MAN1A2: variants seen among roughly 807,000 people sequenced by gnomAD.
MAN1A2 encodes mannosyl-oligosaccharide 1,2-alpha-mannosidase IB.
In MAN1A2, 26 loss-of-function variants were observed where a neutral mutation model predicts 75.7. The observed-to-expected ratio is 0.34, with a 90% CI of 0.25 to 0.48. The LOEUF is 0.48. Among genes scored for constraint, MAN1A2 ranks in the 20% least tolerant of loss-of-function variants. MAN1A2 has a pLI of 0.99. For synonymous variants in MAN1A2, 247 were observed against 264.6 expected (o/e 0.93, Z 0.65); for missense variants, 562 against 775.5 (o/e 0.72, Z 3.27).
intron 1 of MAN1A2, among the ~76,000 whole-genome samples, chr1:117,392,550 T>C (rs759610443): frequency 1.3e-5 from 2 of 152,206 alleles, no homozygotes; most frequent in Non-Finnish European, 2.9e-5. Flanking sequence ...TGAACTCCTG[T>C]GGGCAAATCA....
At chr1:117,387,880 A>G (rs1653588508) in intron 1 of MAN1A2, among the ~76,000 whole-genome samples, 2 of 152,074 alleles carry the variant, frequency 1.3e-5, no homozygotes, top group Non-Finnish European at 2.9e-5. Flanking sequence ...AGAAAGAGAC[A>G]GCAGCTCTCT....
chr1:117,371,535 A>T (rs955302601), intron 1 of MAN1A2, among the ~76,000 whole-genome samples: 1 of 152,098 alleles, frequency 6.6e-6, no homozygotes, highest in East Asian at 1.9e-4. Flanking sequence ...AATGAGTAGG[A>T]GATTGCTTAA....
At chr1:117,384,949 C>T (rs564019871) in intron 1 of MAN1A2, among the ~76,000 whole-genome samples, 5 of 152,104 alleles carry the variant, frequency 3.3e-5, no homozygotes, top group South Asian at 4.2e-4. Flanking sequence ...GAAGCATAGA[C>T]GACGGAATTT....
chr1:117,385,991 A>G (rs1362702852), intron 1 of MAN1A2, among the ~76,000 whole-genome samples: 2 of 152,160 alleles, frequency 1.3e-5, no homozygotes, highest in Non-Finnish European at 2.9e-5. Context: ...CTTTACAGGT[A>G]TATAGTACCA....
chr1:117,441,537 T>C (rs918582378), intron 5 of MAN1A2, among the ~76,000 whole-genome samples: 1 of 152,164 alleles, frequency 6.6e-6, no homozygotes, highest in African/African-American at 2.4e-5. Flanking sequence ...TAAAGTTACG[T>C]ACACACACTT....
At chr1:117,494,767 G>A (rs1374695420) in intron 9 of MAN1A2, 2 of 151,848 alleles carry the variant, frequency 1.3e-5, no homozygotes, top group African/African-American at 2.4e-5. Flanking sequence ...GTTATTATCT[G>A]GGAAGAATTT....
At chr1:117,424,074 C>G (rs1648289762) in intron 5 of MAN1A2, among the ~76,000 whole-genome samples, 1 of 151,930 alleles carries the variant, frequency 6.6e-6, no homozygotes, top group South Asian at 2.1e-4. Flanking sequence ...ATTCTAGTAG[C>G]TTTAAAATAT....
Position 117,399,563 on chromosome 1 carries a change from C to T in MAN1A2, c.303-2623C>T, listed in dbSNP as rs1647340412. Among the ~76,000 whole-genome samples, 3 of 151,874 alleles carry T rather than the reference C, an allele frequency of 2.0e-5. 1 individual carries two copies. In the South Asian group the frequency reaches 6.2e-4, roughly 32 times the overall value. ...TTCTCAGCTGGAAATGTCAGAATAC[C>T]CATTGATAGTTACTCCATAGAATCT... is the stretch of plus-strand genomic sequence containing the variant. On this transcript the variant is annotated intron_variant, in intron 1 of 12. Transcript: ENST00000356554.
intron 1 of MAN1A2, among the ~76,000 whole-genome samples, chr1:117,378,048 G>A (rs550621929): frequency 9.9e-5 from 15 of 152,272 alleles, no homozygotes; most frequent in Middle Eastern, 3.4e-3. Context: ...CTTGCAGTGA[G>A]CCGAGATCGC....
rs542404335 is a variant in MAN1A2 at position 117,375,955 on chromosome 1, A to G, written c.302+7470A>G. On this transcript the variant is annotated intron_variant, in intron 1 of 12. Transcript: ENST00000356554. ...GAGACGGAGTCTTGCTCTGTCGCCC[A>G]GGCTGGAGTGCAGTGGCGCGATCTC... is the stretch of plus-strand genomic sequence containing the variant. Among the ~76,000 whole-genome samples, 5 of 142,946 alleles carry G rather than the reference A, an allele frequency of 3.5e-5. No homozygotes were observed. In the East Asian group the frequency reaches 1.0e-3, roughly 29 times the overall value. The allele number at this position is 142,946 out of a possible 152,430, so 93.8% of individuals were successfully genotyped here. A position where few individuals can be genotyped will look rare whatever the true frequency, so the allele number is the denominator to read the frequency against.
intron 12 of MAN1A2, chr1:117,515,818 AG>A: frequency 6.6e-6 from 1 of 152,246 alleles, no homozygotes; most frequent in Non-Finnish European, 1.5e-5. Flanking sequence ...GGACCTGGGG[AG>A]GGGAATGGAA....
chr1:117,453,665 T>C (rs1044990925), intron 6 of MAN1A2, among the ~76,000 whole-genome samples: 6 of 152,194 alleles, frequency 3.9e-5, no homozygotes, highest in African/African-American at 9.6e-5. Context: ...GTGAAGATGC[T>C]ATGAACATTG....
intron 5 of MAN1A2, among the ~76,000 whole-genome samples, chr1:117,424,808 G>A (rs528961645): frequency 6.6e-6 from 1 of 152,262 alleles, no homozygotes; most frequent in South Asian, 2.1e-4. Context: ...ATTTCCCCGG[G>A]AAGGATGGAA....
chr1:117,528,612 A>C lies in MAN1A2; in HGVS notation c.*5655A>C, dbSNP rs936416767. 3 of 152,118 alleles carry C rather than the reference A, an allele frequency of 2.0e-5. No individual in the cohort carries two copies. Among genetic ancestry groups the C allele is most frequent in the Non-Finnish European group, 4.4e-5 (3 of 68,004 alleles). The allele number at this position is 152,118 out of a possible 1,614,324, so 9.4% of individuals were successfully genotyped here. On this transcript the variant is annotated 3_prime_UTR_variant, in exon 13 of 13. Coordinates refer to ENST00000356554, the MANE Select transcript of MAN1A2 (RefSeq NM_006699.5). Reference sequence around the variant, plus strand: ...AAAATATTTTTAAAGAAAATTTAGAAGTTTTTGCTGAATTAAAGTATCTTC... The same window carrying C: ...AAAATATTTTTAAAGAAAATTTAGACGTTTTTGCTGAATTAAAGTATCTTC...
At chr1:117,414,105 T>G (rs1033714859) in intron 3 of MAN1A2, among the ~76,000 whole-genome samples, 17 of 152,044 alleles carry the variant, frequency 1.1e-4, no homozygotes, top group African/African-American at 3.6e-4. Flanking sequence ...TGGATACATT[T>G]TATTATTTTG....
chr1:117,521,971 A>T (rs758830146), intron 12 of MAN1A2, among the ~76,000 whole-genome samples: 4 of 151,940 alleles, frequency 2.6e-5, no homozygotes, highest in Non-Finnish European at 4.4e-5. Context: ...GATATGTGGG[A>T]GCTAAGCTAT....
intron 8 of MAN1A2, among the ~76,000 whole-genome samples, chr1:117,477,259 A>T (rs1650343670): frequency 6.6e-6 from 1 of 152,034 alleles, no homozygotes; most frequent in South Asian, 2.1e-4. Flanking sequence ...CAGTAGAAAA[A>T]GAGGGAAATC....
At chr1:117,381,854 C>T (rs1276021969) in intron 1 of MAN1A2, among the ~76,000 whole-genome samples, 2 of 152,012 alleles carry the variant, frequency 1.3e-5, no homozygotes, top group East Asian at 3.9e-4. Context: ...CCTGTTGTTT[C>T]CTGACTTTTT....
At chr1:117,433,105 G>A (rs1465892928) in intron 5 of MAN1A2, among the ~76,000 whole-genome samples, 2 of 151,832 alleles carry the variant, frequency 1.3e-5, no homozygotes, top group African/African-American at 4.8e-5. Flanking sequence ...AAAAGCATTT[G>A]ATAAGATGCA....
Sources: gnomAD v4.1 joint callset for allele counts (sites outside exome capture counted in the v4.1 genomes callset) on GRCh38, gnomAD v4.1.1 for gene constraint, MANE v1.5 for transcripts, NCBI Gene and HGNC (gene_info 2026-07-23, HGNC 2026-07-21) for gene names.